The following ITGA2B variants were observed in gnomAD, a reference collection of about 807,000 sequenced individuals.
The protein encoded by ITGA2B is integrin alpha-IIb.
In ITGA2B, 91 loss-of-function variants were observed where a neutral mutation model predicts 142.0. The observed-to-expected ratio is 0.64, with a 90% CI of 0.54 to 0.76. The LOEUF is 0.76. Among genes scored for constraint, ITGA2B ranks in the 30% least tolerant of loss-of-function variants. ITGA2B has a pLI of 0.00. For synonymous variants in ITGA2B, 536 were observed against 567.2 expected (o/e 0.94, Z 0.78); for missense variants, 1,231 against 1,350.8 (o/e 0.91, Z 1.39).
chr17:44,380,156 G>A lies in ITGA2B; in HGVS notation c.1601-3C>T, dbSNP rs1344830821. 6.2e-7 allele frequency: 1 copy of A among 1,613,540 alleles called. No individual in the cohort carries two copies. Among genetic ancestry groups the A allele is most frequent in the Non-Finnish European group, 8.5e-7 (1 of 1,179,960 alleles). Reference sequence around the variant, plus strand: ...CAGCTGCAGCTCGGCATTTAGGGCTGGCAGGGCAAGCAGAAGAGTCAGGAC... The same window carrying A: ...CAGCTGCAGCTCGGCATTTAGGGCTAGCAGGGCAAGCAGAAGAGTCAGGAC... On this transcript the variant is annotated splice_polypyrimidine_tract_variant and splice_region_variant and intron_variant, in intron 16 of 29. Coordinates refer to ENST00000262407, the MANE Select transcript of ITGA2B (RefSeq NM_000419.5).
intron 4 of ITGA2B, 63 bp from the exon 5 acceptor site, chr17:44,385,398 G>A: frequency 1.3e-6 from 2 of 1,568,504 alleles, no homozygotes; most frequent in Non-Finnish European, 8.6e-7. Context: ...GAGCCCGGAG[G>A]AGGGCTGGGG....
intron 18 of ITGA2B, among the ~76,000 whole-genome samples, chr17:44,379,113 A>G (rs1233560351): frequency 7.2e-6 from 1 of 138,018 alleles, no homozygotes; most frequent in Non-Finnish European, 1.6e-5. Flanking sequence ...CGCCCAGCTA[A>G]TTTTTTTTTT....
In ITGA2B at chr17:44,385,557, C is replaced by A. The variant is rs760628289; in HGVS notation, c.568G>T (p.Asp190Tyr). 2 of 1,580,324 alleles carry A rather than the reference C, an allele frequency of 1.3e-6. No individual in the cohort carries two copies. The highest frequency in any genetic ancestry group is 1.1e-5 in the South Asian group (1 of 88,450). Residue 190 changes from aspartate to tyrosine, a missense_variant, in exon 4 of 30, where the codon GAT (aspartate) becomes TAT (tyrosine). Physicochemically the swap from Asp to Tyr is radical, Grantham distance 160. This residue lies in a region of ITGA2B where 318 missense variants were observed against 312.2 expected (regional missense o/e 1.02). Coordinates refer to ENST00000262407, the MANE Select transcript of ITGA2B (RefSeq NM_000419.5). ...NTLSRIYVENDFSWDKRYCEA... is the reference protein window; with the variant it reads ...NTLSRIYVENYFSWDKRYCEA... Reference sequence around the variant, plus strand: ...GGTCGTAGCTGGCGCTTACTAAAATCATTTTCCACGTAAATGCGGCTCAGG... The same window carrying A: ...GGTCGTAGCTGGCGCTTACTAAAATAATTTTCCACGTAAATGCGGCTCAGG...
In ITGA2B at chr17:44,375,717, C is replaced by A; in HGVS notation, c.2602-1G>T. ...TGGGGATGGGCAGCCCCCAGTCCAC[C>A]TGGGGGGGCAAAGGAGTGGTCAGGC... On this transcript the variant is annotated splice_acceptor_variant, in intron 25 of 29. Transcript: ENST00000262407. LOFTEE classifies it high-confidence loss of function. The A allele has an allele frequency of 6.3e-7, 1 of 1,576,502 alleles. No individual in the cohort carries two copies. The highest frequency in any genetic ancestry group is 2.3e-5 in the East Asian group (1 of 43,314).
chr17:44,377,838 T>A, intron 20 of ITGA2B, 48 bp from the exon 21 acceptor site: 1 of 1,290,626 alleles, frequency 7.7e-7, no homozygotes, highest in Non-Finnish European at 1.1e-6. Flanking sequence ...ATCATATATA[T>A]ATATTTAAGC....
chr17:44,374,384 C>T lies in ITGA2B; in HGVS notation c.3030G>A (p.Leu1010=), dbSNP rs570602852. The T allele has an allele frequency of 3.3e-5, 54 of 1,613,910 alleles. 1 individual carries two copies. The highest frequency in any genetic ancestry group is 2.9e-4 in the South Asian group (26 of 91,040). The change falls in exon 29 of 30, where the codon CTG becomes CTA. Residue 1010 remains leucine (L), a synonymous_variant. Coordinates refer to ENST00000262407, the MANE Select transcript of ITGA2B (RefSeq NM_000419.5). ...VLVGVLGGLL[L]LTILVLAMWK... Reference sequence around the variant, plus strand: ...ACATGGCCAGGACCAGGATGGTGAGCAGCAGCAGGCCACCCAGCACACCCA... The same window carrying T: ...ACATGGCCAGGACCAGGATGGTGAGTAGCAGCAGGCCACCCAGCACACCCA...
At chr17:44,378,539 G>A in intron 19 of ITGA2B, 30 bp from the exon 20 acceptor site, 1 of 1,612,434 alleles carries the variant, frequency 6.2e-7, no homozygotes, top group South Asian at 1.1e-5. Context: ...AAGCCAGGGA[G>A]CCTGGGTCTG....
At position 44,374,792 on chromosome 17, in the gene ITGA2B, C is replaced by T. The variant is rs772445189; in HGVS notation, c.2842-32G>A. 2.5e-6 allele frequency: 4 copies of T among 1,573,376 alleles called. No individual in the cohort carries two copies. In the Admixed American group the frequency reaches 6.7e-5, roughly 26 times the overall value. ...AGGTTGGGGTTGAAAGCCGTTTACA[C>T]CCACAAGAGGCCTATTGGTTGCAGG... On this transcript the variant is annotated intron_variant, in intron 27 of 29. Transcript: ENST00000262407.
At chr17:44,375,774 G>T (rs2048536874) in intron 25 of ITGA2B, 58 bp from the exon 26 acceptor site, 2 of 1,556,648 alleles carry the variant, frequency 1.3e-6, no homozygotes. Flanking sequence ...GCCCACAGAG[G>T]TGCCCCGGTG....
In ITGA2B at chr17:44,385,076, C is replaced by T; in HGVS notation, c.671G>A (p.Gly224Asp). The T allele has an allele frequency of 1.9e-6, 3 of 1,614,106 alleles. No homozygotes were observed. Among genetic ancestry groups the T allele is most frequent in the Non-Finnish European group, 2.5e-6 (3 of 1,180,036 alleles). Residue 224 changes from glycine (G) to aspartate (D), a missense_variant and splice_region_variant, in exon 7 of 30, where the codon GGT (glycine) becomes GAT (aspartate). This residue lies in a region of ITGA2B where 318 missense variants were observed against 312.2 expected (regional missense o/e 1.02). Coordinates refer to ENST00000262407, the MANE Select transcript of ITGA2B (RefSeq NM_000419.5). Reference protein sequence around the residue: ...LGAPGGYYFLGLLAQAPVADI... With the variant: ...LGAPGGYYFLDLLAQAPVADI... Reference sequence around the variant, plus strand: ...CGCAACTGGAGCCTGGGCCAGGAGACCTAGGGCGGGAGGGACAGCGGGTGT... The same window carrying T: ...CGCAACTGGAGCCTGGGCCAGGAGATCTAGGGCGGGAGGGACAGCGGGTGT...
intron 1 of ITGA2B, among the ~76,000 whole-genome samples, chr17:44,388,117 C>T (rs376190758): frequency 2.6e-5 from 4 of 152,114 alleles, no homozygotes; most frequent in Non-Finnish European, 5.9e-5. Context: ...GTGTCTCTCA[C>T]AATAGTAGCT....
chr17:44,379,615 CTT>C, intron 18 of ITGA2B, 72 bp downstream of exon 18: 1 of 1,610,068 alleles, frequency 6.2e-7, no homozygotes, highest in Non-Finnish European at 8.5e-7. Flanking sequence ...CACATTGTGA[CTT>C]GGCACTAACC....
In ITGA2B at chr17:44,385,767, T is replaced by A. The variant is rs778120799; in HGVS notation, c.409-51A>T. The A allele has an allele frequency of 6.2e-6, 10 of 1,612,644 alleles. No individual in the cohort carries two copies. In the Admixed American group the frequency reaches 1.5e-4, roughly 24 times the overall value. ...ACGGGCGCGAGACTTGGGCTCCTCC[T>A]GGCCCCAGGTGTCCCTGCCCCCGAT... On this transcript the variant is annotated intron_variant, in intron 3 of 29. Transcript: ENST00000262407.
At chr17:44,387,084 G>C (rs1393526980) in intron 1 of ITGA2B, among the ~76,000 whole-genome samples, 1 of 152,084 alleles carries the variant, frequency 6.6e-6, no homozygotes, top group African/African-American at 2.4e-5. Context: ...TAGCCTGCAG[G>C]ATGTTTAAGT....
intron 1 of ITGA2B, among the ~76,000 whole-genome samples, chr17:44,387,258 C>A (rs932793949): frequency 6.6e-6 from 1 of 152,158 alleles, no homozygotes; most frequent in Non-Finnish European, 1.5e-5. Context: ...TGTGGTGGCT[C>A]ACGCCTGTAA....
At chr17:44,385,432 G>A (rs990301161) in intron 4 of ITGA2B, 97 bp from the exon 5 acceptor site, 2 of 1,531,946 alleles carry the variant, frequency 1.3e-6, no homozygotes, top group Admixed American at 1.9e-5. Context: ...CCTTGAGTCG[G>A]CGGGGCCCTG....
Position 44,380,302 on chromosome 17 carries a change from C to T in ITGA2B, c.1545-1G>A, listed in dbSNP as rs773464534. 1.9e-6 allele frequency: 3 copies of T among 1,614,246 alleles called. No individual in the cohort carries two copies. The South Asian group carries it at 3.3e-5, about 18-fold the overall frequency. ...TCCAACACACATCTGGATGTTGAAG[C>T]TGCAAAGACGTAAGTGGGGCTCAGG... On this transcript the variant is annotated splice_acceptor_variant, in intron 15 of 29. Transcript: ENST00000262407. LOFTEE classifies it high-confidence loss of function.
In ITGA2B at chr17:44,384,306, C is replaced by G. The variant is rs767193787; in HGVS notation, c.891+5G>C. ...TTCGGGAGGCCCAGTGGTGGGGGCACTTACCGCTCCCAGGGTCCAGCTCCA... is the reference window on the plus strand; with the variant it reads ...TTCGGGAGGCCCAGTGGTGGGGGCAGTTACCGCTCCCAGGGTCCAGCTCCA... On this transcript the variant is annotated splice_donor_5th_base_variant and intron_variant, in intron 9 of 29. Coordinates refer to ENST00000262407, the MANE Select transcript of ITGA2B (RefSeq NM_000419.5). The G allele has an allele frequency of 3.7e-6, 6 of 1,613,056 alleles. No homozygotes were observed. Among genetic ancestry groups the G allele is most frequent in the Non-Finnish European group, 5.1e-6 (6 of 1,179,908 alleles).
chr17:44,373,971 TC>T, intron 29 of ITGA2B: 1 of 256,000 alleles, frequency 3.9e-6, no homozygotes, highest in Non-Finnish European at 7.8e-6. Context: ...AGTGGTGTGA[TC>T]TCGGCTCACT....
Sources: allele counts gnomAD v4.1 joint callset (sites outside exome capture counted in the v4.1 genomes callset), GRCh38; gene constraint gnomAD v4.1.1; regional missense constraint gnomAD v4.1.1; transcripts MANE v1.5; gene names NCBI Gene and HGNC (gene_info 2026-07-23, HGNC 2026-07-21).